Variants in PLXNA4 observed in about 807,000 individuals in gnomAD.
PLXNA4 encodes the protein plexin-A4.
In PLXNA4, 44 loss-of-function variants were observed where a neutral mutation model predicts 191.8. That is an observed-to-expected ratio of 0.23 (90% confidence interval 0.18 to 0.29). The LOEUF (loss-of-function observed/expected upper bound fraction) is 0.29, where lower values mean the gene tolerates loss of function less well. PLXNA4 is among the 10% of genes least tolerant of loss of function. The probability of loss-of-function intolerance (pLI) is 1.00; values close to 1 mark genes in which losing one functional copy is unlikely to be tolerated. For synonymous variants in PLXNA4, 1,082 were observed against 1,009.5 expected, an observed-to-expected ratio of 1.07 and a Z score of -1.36; for missense variants, 1,800 against 2,488.8, an observed-to-expected ratio of 0.72 and a Z score of 5.89.
At chr7:132,231,035 G>A (rs1798507580) in intron 5 of PLXNA4, among the ~76,000 whole-genome samples, 1 of 152,188 alleles carries the variant, frequency 6.6e-6, no homozygotes, top group Non-Finnish European at 1.5e-5. Flanking sequence ...TCATGGGGTT[G>A]CATCTTGCCA....
At chr7:132,457,577 C>G (rs886213368) in intron 3 of PLXNA4, among the ~76,000 whole-genome samples, 1 of 152,190 alleles carries the variant, frequency 6.6e-6, no homozygotes, top group African/African-American at 2.4e-5. Flanking sequence ...TAATAGTCCT[C>G]AAAGACACCC....
At chr7:132,184,279 A>G (rs1163036296) in intron 16 of PLXNA4, among the ~76,000 whole-genome samples, 1 of 152,232 alleles carries the variant, frequency 6.6e-6, no homozygotes, top group Admixed American at 6.5e-5. Context: ...TCAGCCTCTC[A>G]GCTGCCTATG....
At chr7:132,356,818 G>A (rs557532558) in intron 3 of PLXNA4, among the ~76,000 whole-genome samples, 18 of 152,318 alleles carry the variant, frequency 1.2e-4, no homozygotes, top group African/African-American at 1.7e-4. Context: ...GCAGGACTTC[G>A]TAAGAGCTAT....
intron 3 of PLXNA4, among the ~76,000 whole-genome samples, chr7:132,311,313 C>T (rs371253546): frequency 5.9e-5 from 9 of 152,232 alleles, no homozygotes; most frequent in African/African-American, 1.9e-4. Context: ...CGGTATGATT[C>T]GGTGCCTCCT....
intron 3 of PLXNA4, among the ~76,000 whole-genome samples, chr7:132,392,978 T>C (rs1159655454): frequency 6.6e-6 from 1 of 152,118 alleles, no homozygotes; most frequent in Non-Finnish European, 1.5e-5. Flanking sequence ...ACGAAGGCGC[T>C]TCACAGCTTC....
intron 2 of PLXNA4, among the ~76,000 whole-genome samples, chr7:132,610,885 T>C (rs1803032056): frequency 6.6e-6 from 1 of 152,202 alleles, no homozygotes; most frequent in Non-Finnish European, 1.5e-5. Flanking sequence ...GGTTTGCCAC[T>C]TGTAATGTGG....
rs1244894900 is a variant in PLXNA4, at chr7:132,182,209, G to C, written c.3159-19C>G. The C allele has an allele frequency of 6.2e-7, 1 of 1,613,418 alleles. No homozygotes were observed. The highest frequency in any genetic ancestry group is 1.3e-5 in the African/African-American group (1 of 74,894). On this transcript the variant is annotated intron_variant, in intron 16 of 31. Transcript: ENST00000321063. ...GTTTCCACTGAGCAGGAAGAAAGAA[G>C]GAGATGTGTAAATGATAAGTTCAGG... is the stretch of plus-strand genomic sequence containing the variant.
chr7:132,566,139 T>G (rs888303616), intron 1 of PLXNA4, among the ~76,000 whole-genome samples: 2 of 152,190 alleles, frequency 1.3e-5, no homozygotes, highest in African/African-American at 4.8e-5. Flanking sequence ...GCAACTGTTA[T>G]TCACTCTGGA....
intron 1 of PLXNA4, among the ~76,000 whole-genome samples, chr7:132,529,645 G>A (rs1170633549): frequency 7.0e-5 from 10 of 142,258 alleles, no homozygotes; most frequent in South Asian, 2.2e-4. Flanking sequence ...TTGCTCCGTC[G>A]CCCAGGCTGG....
chr7:132,307,564 C>A (rs75978848), intron 3 of PLXNA4, among the ~76,000 whole-genome samples: 1,545 of 61,832 alleles, frequency 0.025, 32 homozygotes, highest in African/African-American at 0.094. Flanking sequence ...GTGAGGGAAC[C>A]AGTTAGGGGC....
chr7:132,313,758 C>T (rs187005345), intron 3 of PLXNA4, among the ~76,000 whole-genome samples: 1 of 152,074 alleles, frequency 6.6e-6, no homozygotes, highest in African/African-American at 2.4e-5. Flanking sequence ...GAGTCACTGT[C>T]ATTTTAGAGG....
intron 4 of PLXNA4, among the ~76,000 whole-genome samples, chr7:132,253,336 A>G (rs1799322291): frequency 1.3e-5 from 2 of 151,366 alleles, no homozygotes; most frequent in Non-Finnish European, 2.9e-5. Flanking sequence ...CCTAAGTTCA[A>G]GCAATTATCC....
At chr7:132,509,540 T>A (rs1798623212) in intron 1 of PLXNA4, among the ~76,000 whole-genome samples, 1 of 152,208 alleles carries the variant, frequency 6.6e-6, no homozygotes, top group South Asian at 2.1e-4. Context: ...GGAAGTCATG[T>A]AACTTGCATA....
At chr7:132,550,896 T>C (rs550659639) in intron 1 of PLXNA4, among the ~76,000 whole-genome samples, 29 of 152,286 alleles carry the variant, frequency 1.9e-4, no homozygotes, top group African/African-American at 6.0e-4. Context: ...TGCTGTCCCA[T>C]AGACACTTCA....
At position 132,168,749 on chromosome 7, in the gene PLXNA4, G is replaced by A. The variant is rs151326797; in HGVS notation, c.4018-177C>T. Among the ~76,000 whole-genome samples, 222 of 152,296 alleles carry A rather than the reference G, an allele frequency of 1.5e-3. 2 individuals are homozygous for A. The highest frequency in any genetic ancestry group is 0.013 in the East Asian group (69 of 5,180). ...GTTAAGTATCTGATTAACCTCCATC[G>A]CAGCCTCTAGTTTAGAGATGAATCA... On this transcript the variant is annotated intron_variant, in intron 21 of 31. Transcript: ENST00000321063.
At chr7:132,319,943 T>TTC (rs1802098956) in intron 3 of PLXNA4, among the ~76,000 whole-genome samples, 1 of 152,184 alleles carries the variant, frequency 6.6e-6, no homozygotes, top group Admixed American at 6.5e-5. Flanking sequence ...CTCTCCCATG[T>TTC]TCTCCACCCC....
At position 132,258,260 on chromosome 7, in the gene PLXNA4, C is replaced by G. The variant is rs189753721; in HGVS notation, c.1504-17094G>C. On this transcript the variant is annotated intron_variant, in intron 4 of 31. Coordinates refer to ENST00000321063, the MANE Select transcript of PLXNA4 (RefSeq NM_020911.2). Reference sequence around the variant, plus strand: ...AGCTGCTGTGTCGACGAAAGGCGGCCGGGGGCTGAGCAAAGGGTGGCATTG... The same window carrying G: ...AGCTGCTGTGTCGACGAAAGGCGGCGGGGGGCTGAGCAAAGGGTGGCATTG... Among the ~76,000 whole-genome samples the G allele has an allele frequency of 2.0e-5, 3 of 152,322 alleles. No homozygotes were observed. In the East Asian group the frequency reaches 5.8e-4, roughly 29 times the overall value.
intron 5 of PLXNA4, among the ~76,000 whole-genome samples, chr7:132,234,120 AAGG>A (rs1159459364): frequency 1.3e-5 from 2 of 152,058 alleles, no homozygotes; most frequent in African/African-American, 4.8e-5. Context: ...AGAAGGGAAA[AAGG>A]AGGAGGAGAC....
intron 2 of PLXNA4, among the ~76,000 whole-genome samples, chr7:132,493,727 A>C (rs563828587): frequency 4.4e-4 from 58 of 133,056 alleles, no homozygotes; most frequent in Non-Finnish European, 7.1e-4. Context: ...GGATGGGTGG[A>C]TGGGTGGATG....
Sources: allele counts gnomAD v4.1 joint callset (sites outside exome capture counted in the v4.1 genomes callset), GRCh38; gene constraint gnomAD v4.1.1; transcripts MANE v1.5; gene names NCBI Gene and HGNC (gene_info 2026-07-23, HGNC 2026-07-21).